Variants in ERC2 observed in about 807,000 individuals in gnomAD.
ERC2 encodes ERC protein 2.
ERC2 carries 42 observed loss-of-function variants against 114.8 expected under a neutral mutation model. That is an observed-to-expected ratio of 0.37 (90% CI 0.29 to 0.47). ERC2 has a LOEUF of 0.47. Among genes scored for constraint, ERC2 ranks in the 20% least tolerant of loss-of-function variants. The pLI, the probability that ERC2 is intolerant of heterozygous loss-of-function variation, is 0.99. For missense variants in ERC2, 939 were observed against 1,150.7 expected (o/e 0.82, Z 2.66); for synonymous variants, 454 against 425.5 (o/e 1.07, Z -0.82).
intron 17 of ERC2, among the ~76,000 whole-genome samples, chr3:55,553,786 A>T (rs765514473): frequency 2.6e-5 from 4 of 152,122 alleles, no homozygotes; most frequent in African/African-American, 9.7e-5. Flanking sequence ...TCTCAAAAAA[A>T]AAAGAAATGG....
chr3:55,890,594 A>G (rs1317321704), intron 13 of ERC2, among the ~76,000 whole-genome samples: 2 of 152,156 alleles, frequency 1.3e-5, no homozygotes, highest in African/African-American at 4.8e-5. Flanking sequence ...CCCAACTTTA[A>G]ATGACACTTT....
At chr3:55,944,989 T>C (rs926277018) in intron 13 of ERC2, among the ~76,000 whole-genome samples, 3 of 152,228 alleles carry the variant, frequency 2.0e-5, no homozygotes, top group East Asian at 3.8e-4. Context: ...AACAATGTGA[T>C]AGGATTTATC....
chr3:55,536,145 A>G (rs1263086775), intron 17 of ERC2, among the ~76,000 whole-genome samples: 1 of 152,204 alleles, frequency 6.6e-6, no homozygotes, highest in African/African-American at 2.4e-5. Flanking sequence ...GTTCTAAGGA[A>G]ATACCCACAA....
chr3:55,872,585 C>T (rs988527639), intron 14 of ERC2, among the ~76,000 whole-genome samples: 9 of 152,064 alleles, frequency 5.9e-5, no homozygotes, highest in African/African-American at 2.2e-4. Context: ...CCAGACATGA[C>T]AGTAGATTAT....
chr3:55,728,198 T>C (rs1246343546), intron 15 of ERC2, among the ~76,000 whole-genome samples: 3 of 152,200 alleles, frequency 2.0e-5, no homozygotes, highest in East Asian at 1.9e-4. Flanking sequence ...AACACAATTA[T>C]CTCTTAGAGA....
At chr3:55,853,759 G>A (rs1427323404) in intron 14 of ERC2, among the ~76,000 whole-genome samples, 1 of 152,162 alleles carries the variant, frequency 6.6e-6, no homozygotes, top group African/African-American at 2.4e-5. Context: ...GGGCCAGGGA[G>A]AGGAGGAACG....
At chr3:55,682,528 A>G (rs984057970) in intron 17 of ERC2, among the ~76,000 whole-genome samples, 3 of 152,182 alleles carry the variant, frequency 2.0e-5, no homozygotes, top group Non-Finnish European at 4.4e-5. Flanking sequence ...TAACAGGTTC[A>G]ACTAAGAAGT....
chr3:56,031,849 C>A (rs540601620), intron 7 of ERC2, among the ~76,000 whole-genome samples: 1 of 152,190 alleles, frequency 6.6e-6, no homozygotes, highest in South Asian at 2.1e-4. Context: ...TGAAAAATTC[C>A]ACTGGGATTT....
intron 6 of ERC2, among the ~76,000 whole-genome samples, chr3:56,094,273 C>A (rs1429322266): frequency 1.3e-5 from 2 of 152,162 alleles, no homozygotes; most frequent in African/African-American, 4.8e-5. Context: ...TCTGCTGATA[C>A]TTTTGAGATG....
intron 17 of ERC2, among the ~76,000 whole-genome samples, chr3:55,631,751 T>TG (rs11444333): frequency 0.57 from 86,676 of 151,654 alleles, 25,797 homozygotes; most frequent in Non-Finnish European, 0.66. Context: ...GATAAAGATG[T>TG]GGGGATTTTT....
At chr3:55,661,040 G>A (rs997371599) in intron 17 of ERC2, among the ~76,000 whole-genome samples, 2 of 152,152 alleles carry the variant, frequency 1.3e-5, no homozygotes, top group African/African-American at 4.8e-5. Context: ...AAATGCACCA[G>A]CTTGTCCTGT....
intron 14 of ERC2, among the ~76,000 whole-genome samples, chr3:55,762,989 C>G (rs2067548143): frequency 7.2e-6 from 1 of 139,708 alleles, no homozygotes; most frequent in Non-Finnish European, 1.6e-5. Flanking sequence ...ACATTACAAT[C>G]TAGTTGGAAT....
At position 56,320,318 on chromosome 3, in the gene ERC2, T is replaced by C. The variant is rs561080655; in HGVS notation, c.658-23883A>G. Among the ~76,000 whole-genome samples the C allele has an allele frequency of 2.6e-5, 4 of 152,274 alleles. No individual in the cohort carries two copies. In the East Asian group the frequency reaches 5.8e-4, roughly 22 times the overall value. ...TTTCAACAACATAGCTTGAAAGGGC[T>C]AAGAAAAAATAACTCTCAACCTAGA... On this transcript the variant is annotated intron_variant, in intron 2 of 17. Coordinates refer to ENST00000288221, the MANE Select transcript of ERC2 (RefSeq NM_015576.3).
At chr3:56,272,121 T>C (rs146019525) in intron 3 of ERC2, among the ~76,000 whole-genome samples, 1 of 152,304 alleles carries the variant, frequency 6.6e-6, no homozygotes, top group East Asian at 1.9e-4. Context: ...ACGCTCACAC[T>C]TGGGAACTCT....
intron 14 of ERC2, among the ~76,000 whole-genome samples, chr3:55,846,472 C>T (rs1301308713): frequency 6.6e-6 from 1 of 152,116 alleles, no homozygotes; most frequent in Non-Finnish European, 1.5e-5. Context: ...GTGCACATGC[C>T]TCTATGGTAG....
chr3:56,279,957 T>G (rs1560512098), intron 3 of ERC2, among the ~76,000 whole-genome samples: 1 of 152,212 alleles, frequency 6.6e-6, no homozygotes, highest in Non-Finnish European at 1.5e-5. Context: ...TATATGTTAC[T>G]TTACATGGCA....
chr3:55,850,414 A>G (rs1182419318), intron 14 of ERC2, among the ~76,000 whole-genome samples: 1 of 152,246 alleles, frequency 6.6e-6, no homozygotes, highest in Non-Finnish European at 1.5e-5. Flanking sequence ...AAGTCATTTT[A>G]TCTTTACAAT....
chr3:56,067,129 T>C lies in ERC2; in HGVS notation c.1641+13688A>G, dbSNP rs564609926. 3.9e-5 allele frequency among the ~76,000 whole-genome samples: 6 copies of C among 152,342 alleles called. No homozygotes were observed. In the East Asian group the frequency reaches 1.2e-3, roughly 29 times the overall value. The stretch of plus-strand genomic sequence containing the variant: ...AGTTTGATGGGAATAGCACTGAATC[T>C]CTAAATTACTTTGGGCAGCATGGCC... On this transcript the variant is annotated intron_variant, in intron 7 of 17. Coordinates refer to ENST00000288221, the MANE Select transcript of ERC2 (RefSeq NM_015576.3).
At chr3:55,868,005 C>A (rs2062406110) in intron 14 of ERC2, among the ~76,000 whole-genome samples, 1 of 152,188 alleles carries the variant, frequency 6.6e-6, no homozygotes, top group South Asian at 2.1e-4. Context: ...AATTTCCGAT[C>A]ATCTAGCATA....
Sources: gnomAD v4.1 joint callset for allele counts (sites outside exome capture counted in the v4.1 genomes callset) on GRCh38, gnomAD v4.1.1 for gene constraint, MANE v1.5 for transcripts, NCBI Gene and HGNC (gene_info 2026-07-23, HGNC 2026-07-21) for gene names.